GRM7: variants seen among roughly 807,000 people sequenced by gnomAD.
GRM7 encodes metabotropic glutamate receptor 7.
In GRM7, 35 loss-of-function variants were observed where a neutral mutation model predicts 84.5. That is an observed-to-expected ratio of 0.41 (90% CI 0.32 to 0.55). GRM7 has a LOEUF of 0.55. Among genes scored for constraint, GRM7 ranks in the 20% least tolerant of loss-of-function variants. The pLI is 0.19. For synonymous variants in GRM7, 487 were observed against 455.1 expected (o/e 1.07, Z -0.89); for missense variants, 1,003 against 1,194.6 (o/e 0.84, Z 2.36).
In GRM7 at chr3:7,707,930, ATT is replaced by A. The variant is rs34344224; in HGVS notation, c.2698+27658_2698+27659del. ...AGAACATATTGCTGTGAAGCTTTCA[ATT>A]TTTTTTTTTTTTTTTTTTTTTTACT... is the stretch of plus-strand genomic sequence containing the variant. On this transcript the variant is annotated intron_variant, in intron 9 of 9. Transcript: ENST00000357716. Among the ~76,000 whole-genome samples the A allele has an allele frequency of 8.1e-3, 1,004 of 123,654 alleles. 5 individuals are homozygous for A. The highest frequency in any genetic ancestry group is 0.02 in the African/African-American group (648 of 32,978). The allele number at this position is 123,654 out of a possible 152,430, so 81.1% of individuals were successfully genotyped here.
chr3:6,891,857 C>G (rs562397512), intron 1 of GRM7, among the ~76,000 whole-genome samples: 107 of 152,314 alleles, frequency 7.0e-4, no homozygotes, highest in Non-Finnish European at 1.3e-3. Context: ...CTCCCCGTCA[C>G]TTTCAGGTAG....
intron 6 of GRM7, among the ~76,000 whole-genome samples, chr3:7,455,508 T>C (rs140258872): frequency 5.3e-5 from 8 of 152,182 alleles, no homozygotes; most frequent in Non-Finnish European, 1.0e-4. Flanking sequence ...CCTTTTGATA[T>C]GATACACTGG....
chr3:6,886,259 G>A (rs903633929), intron 1 of GRM7, among the ~76,000 whole-genome samples: 2 of 152,082 alleles, frequency 1.3e-5, no homozygotes, highest in African/African-American at 2.4e-5. Flanking sequence ...AGTCCCGCAT[G>A]TTGTCACCAT....
intron 1 of GRM7, among the ~76,000 whole-genome samples, chr3:6,921,035 T>C (rs1697104956): frequency 6.6e-6 from 1 of 152,212 alleles, no homozygotes; most frequent in African/African-American, 2.4e-5. Flanking sequence ...GACACTCTTA[T>C]GTGAACCAGT....
intron 1 of GRM7, among the ~76,000 whole-genome samples, chr3:6,922,162 C>T (rs1307728709): frequency 6.6e-6 from 1 of 152,216 alleles, no homozygotes; most frequent in Non-Finnish European, 1.5e-5. Flanking sequence ...GCGACATCCT[C>T]AGATCACATA....
chr3:6,975,082 G>A (rs1693937897), intron 1 of GRM7, among the ~76,000 whole-genome samples: 1 of 152,160 alleles, frequency 6.6e-6, no homozygotes, highest in Non-Finnish European at 1.5e-5. Flanking sequence ...GGCATCAGGA[G>A]CAAGGGTAGA....
intron 1 of GRM7, among the ~76,000 whole-genome samples, chr3:6,911,197 A>G (rs1696757438): frequency 6.6e-6 from 1 of 152,108 alleles, no homozygotes; most frequent in Admixed American, 6.6e-5. Flanking sequence ...CCACATTCAA[A>G]TAATTTTTTC....
intron 1 of GRM7, among the ~76,000 whole-genome samples, chr3:6,905,634 T>C (rs1042093219): frequency 5.3e-5 from 8 of 152,172 alleles, no homozygotes; most frequent in African/African-American, 1.9e-4. Flanking sequence ...ACAGAGACAG[T>C]AATTTTGAAA....
chr3:7,633,328 G>T (rs956564864), intron 8 of GRM7, among the ~76,000 whole-genome samples: 8 of 152,200 alleles, frequency 5.3e-5, no homozygotes, highest in Non-Finnish European at 1.0e-4. Context: ...TTTATAGTGA[G>T]AAACTGAGGA....
intron 5 of GRM7, among the ~76,000 whole-genome samples, chr3:7,426,431 T>G (rs1696615467): frequency 1.3e-5 from 2 of 152,198 alleles, no homozygotes; most frequent in South Asian, 4.1e-4. Flanking sequence ...TCTAGAGGTG[T>G]CTGCATTTTT....
At chr3:7,467,738 C>A (rs865855516) in intron 7 of GRM7, among the ~76,000 whole-genome samples, 14 of 152,066 alleles carry the variant, frequency 9.2e-5, no homozygotes, top group Middle Eastern at 3.4e-3. Context: ...GTTTAGTTAT[C>A]AATAAATTAA....
chr3:7,306,300 T>C (rs2125034135), intron 3 of GRM7, among the ~76,000 whole-genome samples, 198 bp from the exon 4 acceptor site: 1 of 152,344 alleles, frequency 6.6e-6, no homozygotes, highest in South Asian at 2.1e-4. Context: ...TTACTTGCTC[T>C]TGTTTCTGAA....
At chr3:7,494,856 C>G (rs985447432) in intron 7 of GRM7, among the ~76,000 whole-genome samples, 13 of 152,108 alleles carry the variant, frequency 8.5e-5, no homozygotes, top group Admixed American at 7.9e-4. Flanking sequence ...CAAGAGAACT[C>G]ATAATTAATT....
At chr3:7,542,119 C>T (rs1692913724) in intron 7 of GRM7, among the ~76,000 whole-genome samples, 1 of 152,188 alleles carries the variant, frequency 6.6e-6, no homozygotes, top group African/African-American at 2.4e-5. Flanking sequence ...GAAGTATGAC[C>T]TCATTGTAAC....
chr3:7,740,579 C>G lies in GRM7; in HGVS notation c.*173C>G. On this transcript the variant is annotated 3_prime_UTR_variant, in exon 10 of 10. Coordinates refer to ENST00000357716, the MANE Select transcript of GRM7 (RefSeq NM_000844.4). The stretch of plus-strand genomic sequence containing the variant: ...CTAAACAGCTGCTTTATGAAATATC[C>G]TTACTTTATCTGGGCTTAATAAGTC... The G allele has an allele frequency of 2.1e-6, 1 of 466,236 alleles. No individual in the cohort carries two copies. The highest frequency in any genetic ancestry group is 3.8e-6 in the Non-Finnish European group (1 of 261,760). 28.9% of individuals were successfully genotyped at this position (466,236 alleles called of 1,614,324 possible). A position where few individuals can be genotyped will look rare whatever the true frequency, so the allele number is the denominator to read the frequency against.
At chr3:7,736,506 A>T (rs548583877) in intron 9 of GRM7, among the ~76,000 whole-genome samples, 1 of 152,308 alleles carries the variant, frequency 6.6e-6, no homozygotes, top group Non-Finnish European at 1.5e-5. Flanking sequence ...TTAAAAACAC[A>T]ATGTTATATG....
At chr3:7,184,970 C>A (rs1398083763) in intron 2 of GRM7, among the ~76,000 whole-genome samples, 1 of 152,094 alleles carries the variant, frequency 6.6e-6, no homozygotes, top group Non-Finnish European at 1.5e-5. Flanking sequence ...GTATTAGCCA[C>A]CATGCTGAGT....
intron 8 of GRM7, among the ~76,000 whole-genome samples, chr3:7,613,765 T>C (rs2125081918): frequency 6.6e-6 from 1 of 152,294 alleles, no homozygotes; most frequent in African/African-American, 2.4e-5. Context: ...TAAGTCTCAA[T>C]TTCTGACATC....
chr3:7,254,142 A>T (rs924989189), intron 2 of GRM7, among the ~76,000 whole-genome samples: 2 of 152,180 alleles, frequency 1.3e-5, no homozygotes, highest in Non-Finnish European at 2.9e-5. Context: ...AGGTCATGTC[A>T]GAAGCAGGGC....
Sources: gnomAD v4.1 joint callset for allele counts (sites outside exome capture counted in the v4.1 genomes callset) on GRCh38, gnomAD v4.1.1 for gene constraint, MANE v1.5 for transcripts, NCBI Gene and HGNC (gene_info 2026-07-23, HGNC 2026-07-21) for gene names.